The following COQ5 variants were observed in gnomAD, a reference collection of about 807,000 sequenced individuals.
The protein encoded by COQ5 is coenzyme Q5, methyltransferase, also known as 2-methoxy-6-polyprenyl-1,4-benzoquinol methylase, mitochondrial.
COQ5 carries 27 observed loss-of-function variants against 40.5 expected under a neutral mutation model. The ratio of observed to expected loss-of-function variants is 0.67; its 90% confidence interval spans 0.49 to 0.92. The LOEUF (loss-of-function observed/expected upper bound fraction) is 0.92. COQ5 is among the 40% of genes least tolerant of loss of function. The pLI is 0.00. For missense variants in COQ5, 409 were observed against 406.4 expected, an observed-to-expected ratio of 1.01 and a Z score of -0.06; for synonymous variants, 141 against 150.0, an observed-to-expected ratio of 0.94 and a Z score of 0.44.
intron 2 of COQ5, among the ~76,000 whole-genome samples, chr12:120,518,953 T>C (rs972499167): frequency 6.6e-6 from 1 of 152,240 alleles, no homozygotes; most frequent in Admixed American, 6.5e-5. Flanking sequence ...GATATTTCAA[T>C]ATATTTATAG....
intron 1 of COQ5, chr12:120,522,784 G>A: frequency 1.5e-6 from 1 of 662,636 alleles, no homozygotes. Context: ...CCTTGGCAAT[G>A]CAGGAATGAG....
intron 3 of COQ5, among the ~76,000 whole-genome samples, chr12:120,514,921 T>C (rs1869314600): frequency 6.6e-6 from 1 of 151,826 alleles, no homozygotes; most frequent in African/African-American, 2.4e-5. Context: ...AGCCTTCAAA[T>C]AGCTGGGATT....
In COQ5 at chr12:120,522,312, A is replaced by T; in HGVS notation, c.254T>A (p.Met85Lys). ...AACACGATGGATACCAAGACTCATC[A>T]TATCATTCATCACATCATACTTCTT... Reference protein sequence around the residue: ...VAKKYDVMNDMMSLGIHRVWK... With the variant: ...VAKKYDVMNDKMSLGIHRVWK... Residue 85 changes from methionine (M) to lysine (K), a missense_variant, in exon 2 of 7, where the codon ATG becomes AAG. Physicochemically the swap from Met to Lys is moderately conservative, Grantham distance 95 (BLOSUM62 -1). Transcript: ENST00000288532. The T allele has an allele frequency of 1.2e-6, 2 of 1,613,792 alleles. No homozygotes were observed. The highest frequency in any genetic ancestry group is 2.7e-5 in the African/African-American group (2 of 75,060).
intron 1 of COQ5, chr12:120,526,455 A>G (rs1285735955): frequency 2.2e-6 from 1 of 455,836 alleles, no homozygotes. Context: ...AGATGAACTT[A>G]CCAACATGAA....
intron 5 of COQ5, among the ~76,000 whole-genome samples, chr12:120,504,337 G>A (rs1305800149): frequency 6.6e-6 from 1 of 151,906 alleles, no homozygotes; most frequent in Non-Finnish European, 1.5e-5. Flanking sequence ...GGCCTACCCA[G>A]GGCTGCCATG....
At chr12:120,523,333 T>C in intron 1 of COQ5, 1 of 318,622 alleles carries the variant, frequency 3.1e-6, no homozygotes, top group South Asian at 3.1e-5. Context: ...CGAGACTCCG[T>C]CTCAAAGAAA....
chr12:120,521,106 C>A lies in COQ5; in HGVS notation c.352+1108G>T, dbSNP rs184521194. Among the ~76,000 whole-genome samples the A allele has an allele frequency of 2.3e-3, 325 of 143,142 alleles. 2 individuals are homozygous for A. Among genetic ancestry groups the A allele is most frequent in the African/African-American group, 7.9e-3 (302 of 38,118 alleles). 93.9% of individuals were successfully genotyped at this position (143,142 alleles called of 152,430 possible). ...TTTGAGACGGAATCTTGCTCTGTTG[C>A]CCAGGCTGGAGTGTAATGGTACGAT... On this transcript the variant is annotated intron_variant, in intron 2 of 6. Transcript: ENST00000288532.
At chr12:120,505,630 C>T (rs1420253412) in intron 4 of COQ5, among the ~76,000 whole-genome samples, 3 of 151,966 alleles carry the variant, frequency 2.0e-5, no homozygotes, top group Non-Finnish European at 4.4e-5. Context: ...GATCTCGGCT[C>T]ACCACAACCT....
intron 1 of COQ5, among the ~76,000 whole-genome samples, chr12:120,524,777 T>C (rs2048190103): frequency 6.6e-6 from 1 of 151,980 alleles, no homozygotes; most frequent in African/African-American, 2.4e-5. Flanking sequence ...CTTCAACGCC[T>C]ATTCTCAACC....
At position 120,503,326 on chromosome 12, in the gene COQ5, A is replaced by T. The variant is rs965567962; in HGVS notation, c.*458T>A. The T allele has an allele frequency of 5.8e-6, 2 of 343,472 alleles. No individual in the cohort carries two copies. Among genetic ancestry groups the T allele is most frequent in the Admixed American group, 7.6e-5 (2 of 26,380 alleles). The allele number at this position is 343,472 out of a possible 1,614,324, so 21.3% of individuals were successfully genotyped here. A position where few individuals can be genotyped will look rare whatever the true frequency, so the allele number is the denominator to read the frequency against. The stretch of plus-strand genomic sequence containing the variant: ...GGTTCAGCACACAATTCTCATGATC[A>T]TTAATACTCTGACTTGGGCCTAGAC... On this transcript the variant is annotated 3_prime_UTR_variant, in exon 7 of 7. Transcript: ENST00000288532.
At position 120,503,656 on chromosome 12, in the gene COQ5, C is replaced by A. The variant is rs1427155892; in HGVS notation, c.*128G>T. The A allele has an allele frequency of 2.7e-6, 2 of 749,690 alleles. No homozygotes were observed. The highest frequency in any genetic ancestry group is 4.8e-6 in the Non-Finnish European group (2 of 419,016). 46.4% of individuals were successfully genotyped at this position (749,690 alleles called of 1,614,324 possible). On this transcript the variant is annotated 3_prime_UTR_variant, in exon 7 of 7. Transcript: ENST00000288532. ...TCTTCCACTTTGAGACTGTTCGATT[C>A]AAACATGAGTCCAAGGCACGTATCC...
Position 120,518,566 on chromosome 12 carries a change from CT to C in COQ5, c.353-1779del, listed in dbSNP as rs1210331760. Among the ~76,000 whole-genome samples, 318 of 142,506 alleles carry C rather than the reference CT, an allele frequency of 2.2e-3. 2 individuals carry two copies. The highest frequency in any genetic ancestry group is 0.022 in the Middle Eastern group (6 of 278). The allele number at this position is 142,506 out of a possible 152,430, so 93.5% of individuals were successfully genotyped here. ...TCTCCAGTCATTTTTTATTTTATATCTTTTTTTTTTTTTCCCTGAGACGGAG... is the reference window on the plus strand; with the variant it reads ...TCTCCAGTCATTTTTTATTTTATATCTTTTTTTTTTTTCCCTGAGACGGAG... On this transcript the variant is annotated intron_variant, in intron 2 of 6. Transcript: ENST00000288532.
chr12:120,517,711 A>T (rs1869445101), intron 2 of COQ5, among the ~76,000 whole-genome samples: 1 of 151,982 alleles, frequency 6.6e-6, no homozygotes, highest in Admixed American at 6.6e-5. Context: ...AGTGTTTATA[A>T]TACTGTGACC....
At chr12:120,525,020 A>G (rs913269183) in intron 1 of COQ5, among the ~76,000 whole-genome samples, 1 of 150,274 alleles carries the variant, frequency 6.7e-6, no homozygotes, top group Non-Finnish European at 1.5e-5. Context: ...ACTGCTAGCC[A>G]GGATAGTCTC....
chr12:120,524,302 C>T (rs1869825065), intron 1 of COQ5, among the ~76,000 whole-genome samples: 1 of 152,022 alleles, frequency 6.6e-6, no homozygotes, highest in Non-Finnish European at 1.5e-5. Context: ...GCTCTGTCGC[C>T]CAGGCTGCAG....
intron 1 of COQ5, among the ~76,000 whole-genome samples, chr12:120,528,273 G>C (rs1273231293): frequency 6.6e-6 from 1 of 152,002 alleles, no homozygotes; most frequent in Admixed American, 6.6e-5. Flanking sequence ...TAGAGGTAAA[G>C]AACGGGGGCT....
Position 120,520,301 on chromosome 12 carries a change from G to A in COQ5, c.352+1913C>T, listed in dbSNP as rs376549178. Among the ~76,000 whole-genome samples the A allele has an allele frequency of 1.0e-3, 149 of 142,190 alleles. 1 individual carries two copies. In the Middle Eastern group the frequency reaches 0.026, roughly 24 times the overall value. The allele number at this position is 142,190 out of a possible 152,430, so 93.3% of individuals were successfully genotyped here. ...TGGAATTACAGACGCCCGCCACCTT[G>A]CCGGCTATTTTTATTTTATTTTATT... On this transcript the variant is annotated intron_variant, in intron 2 of 6. Transcript: ENST00000288532.
At chr12:120,520,728 G>A (rs536703306) in intron 2 of COQ5, among the ~76,000 whole-genome samples, 51 of 151,996 alleles carry the variant, frequency 3.4e-4, no homozygotes, top group Non-Finnish European at 6.5e-4. Context: ...AAAGTGCTAC[G>A]ATTATAGGCG....
rs1387361735 is a variant in COQ5 at position 120,522,320 on chromosome 12, C to T, written c.246G>A (p.Met82Ile). Residue 82 changes from methionine to isoleucine, a missense_variant, in exon 2 of 7, where the codon ATG (methionine) becomes ATA (isoleucine). Physicochemically the swap from Met to Ile is conservative, Grantham distance 10. Transcript: ENST00000288532. ...GGATACCAAGACTCATCATATCATT[C>T]ATCACATCATACTTCTTAGCCACAC... ...FESVAKKYDVMNDMMSLGIHR... is the reference protein window; with the variant it reads ...FESVAKKYDVINDMMSLGIHR... The T allele has an allele frequency of 6.2e-7, 1 of 1,613,690 alleles. No individual in the cohort carries two copies. The highest frequency in any genetic ancestry group is 8.5e-7 in the Non-Finnish European group (1 of 1,179,714).
Sources: gnomAD v4.1 joint callset for allele counts (sites outside exome capture counted in the v4.1 genomes callset) on GRCh38, gnomAD v4.1.1 for gene constraint, MANE v1.5 for transcripts, NCBI Gene and HGNC (gene_info 2026-07-23, HGNC 2026-07-21) for gene names.